The following KIF20B variants were observed in gnomAD, a reference collection of about 807,000 sequenced individuals.
KIF20B encodes kinesin-like protein KIF20B.
A neutral mutation model predicts 232.5 loss-of-function variants in KIF20B; 188 were observed. The observed-to-expected ratio is 0.81, with a 90% CI of 0.72 to 0.91. KIF20B has a LOEUF of 0.91. Ranked by LOEUF, KIF20B falls within the 40% of genes least tolerant of loss-of-function variation. The pLI, the probability that KIF20B is intolerant of heterozygous loss-of-function variation, is 0.00. For missense variants in KIF20B, 2,154 were observed against 2,055.9 expected, an observed-to-expected ratio of 1.05 and a Z score of -0.92; for synonymous variants, 712 against 683.0, an observed-to-expected ratio of 1.04 and a Z score of -0.66.
rs190585163 is a variant in KIF20B, at chr10:89,746,436, C to T, written c.4096+477C>T. On this transcript the variant is annotated intron_variant, in intron 23 of 32. Coordinates refer to ENST00000371728, the MANE Select transcript of KIF20B (RefSeq NM_001284259.2). The stretch of plus-strand genomic sequence containing the variant: ...GCGGCCGGACTCTCCTCTGACTGCC[C>T]GCAACCAAATTCCGTGTCATCTCAC... Among the ~76,000 whole-genome samples the T allele has an allele frequency of 4.5e-3, 691 of 152,286 alleles. 3 individuals are homozygous for T. Among genetic ancestry groups the T allele is most frequent in the Non-Finnish European group, 7.7e-3 (525 of 68,030 alleles).
At chr10:89,759,326 T>C (rs1432759063) in intron 27 of KIF20B, among the ~76,000 whole-genome samples, 1 of 152,032 alleles carries the variant, frequency 6.6e-6, no homozygotes, top group African/African-American at 2.4e-5. Context: ...ACATTATGAG[T>C]CATTCAGCTG....
At chr10:89,731,994 T>G (rs1264015577) in intron 18 of KIF20B, among the ~76,000 whole-genome samples, 2 of 152,210 alleles carry the variant, frequency 1.3e-5, no homozygotes, top group Non-Finnish European at 2.9e-5. Context: ...TCAAATTGAT[T>G]GCTACAAGTT....
rs757932251 is a variant in KIF20B, at chr10:89,719,542, A to G, written c.1558A>G (p.Ile520Val). ...AATATTAAATGTAAAAAGAGCCACC[A>G]TTTCATGGGAAAATAGTCTAGAAGA... ...SKILNVKRATISWENSLEDLM... is the reference protein window; with the variant it reads ...SKILNVKRATVSWENSLEDLM... The change falls in exon 13 of 33, where the codon ATT becomes GTT. Residue 520 changes from isoleucine (I) to valine (V), a missense_variant. Coordinates refer to ENST00000371728, the MANE Select transcript of KIF20B (RefSeq NM_001284259.2). 1.9e-6 allele frequency: 3 copies of G among 1,613,238 alleles called. No homozygotes were observed. The highest frequency in any genetic ancestry group is 1.1e-5 in the South Asian group (1 of 91,028).
intron 30 of KIF20B, 149 bp downstream of exon 30, chr10:89,768,540 T>TTTAC: frequency 1.4e-6 from 1 of 722,720 alleles, no homozygotes; most frequent in African/African-American, 1.8e-5. Flanking sequence ...ACTTTATGTG[T>TTTAC]TTACTTCTGA....
In KIF20B at chr10:89,743,908, G is replaced by T. The variant is rs777798374; in HGVS notation, c.4016G>T (p.Arg1339Leu). The T allele has an allele frequency of 3.8e-6, 6 of 1,584,926 alleles. No individual in the cohort carries two copies. Among genetic ancestry groups the T allele is most frequent in the Non-Finnish European group, 5.1e-6 (6 of 1,170,234 alleles). ...TCTCAGGAATTAGATATGAAACAGC[G>T]AACCATTCAGCAACTCAAGGTAAAC... Reference protein sequence around the residue: ...QCSQELDMKQRTIQQLKEQLN... With the variant: ...QCSQELDMKQLTIQQLKEQLN... Residue 1339 changes from arginine to leucine, a missense_variant, in exon 22 of 33, where the codon CGA becomes CTA. By Grantham distance (102) the Arg-to-Leu change is moderately radical (BLOSUM62 -2). Transcript: ENST00000371728.
chr10:89,726,156 C>T lies in KIF20B; in HGVS notation c.2002-137C>T, dbSNP rs1276061483. 7 of 1,165,362 alleles carry T rather than the reference C, an allele frequency of 6.0e-6. No individual in the cohort carries two copies. In the Admixed American group the frequency reaches 1.4e-4, roughly 24 times the overall value. The allele number at this position is 1,165,362 out of a possible 1,614,324, so 72.2% of individuals were successfully genotyped here. A position where few individuals can be genotyped will look rare whatever the true frequency, so the allele number is the denominator to read the frequency against. ...CACAGGTTTTTCATAATTGGAGTTG[C>T]TTCTATATAATTTATTTTAAAGAAT... On this transcript the variant is annotated intron_variant, in intron 15 of 32. Coordinates refer to ENST00000371728, the MANE Select transcript of KIF20B (RefSeq NM_001284259.2).
intron 14 of KIF20B, among the ~76,000 whole-genome samples, chr10:89,724,547 A>G (rs981200244): frequency 6.6e-6 from 1 of 152,150 alleles, no homozygotes; most frequent in Admixed American, 6.5e-5. Context: ...AAAAAAAAGA[A>G]TATAGCTGTA....
intron 22 of KIF20B, among the ~76,000 whole-genome samples, chr10:89,745,459 G>C (rs969691035): frequency 4.3e-4 from 66 of 152,276 alleles, no homozygotes; most frequent in Middle Eastern, 3.4e-3. Flanking sequence ...GGAGGTGGAG[G>C]TTGCAGTGAG....
chr10:89,743,060 T>C (rs1226714170), intron 21 of KIF20B, among the ~76,000 whole-genome samples: 1 of 152,082 alleles, frequency 6.6e-6, no homozygotes, highest in Non-Finnish European at 1.5e-5. Flanking sequence ...TTGAGCTCTC[T>C]AGCGAGTGTG....
At chr10:89,762,136 A>T (rs960906334) in intron 28 of KIF20B, among the ~76,000 whole-genome samples, 6 of 152,156 alleles carry the variant, frequency 3.9e-5, no homozygotes, top group Non-Finnish European at 5.9e-5. Context: ...AGAGGACAGG[A>T]CAGAAGTTGT....
chr10:89,727,733 A>C, intron 16 of KIF20B, 123 bp from the exon 17 acceptor site: 1 of 877,868 alleles, frequency 1.1e-6, no homozygotes. Flanking sequence ...TAGTGCTATC[A>C]AAATCCTTTT....
intron 31 of KIF20B, among the ~76,000 whole-genome samples, chr10:89,771,743 A>G (rs996834833): frequency 6.6e-6 from 1 of 152,026 alleles, no homozygotes; most frequent in Non-Finnish European, 1.5e-5. Context: ...CCTGAGGTCT[A>G]TAAAACTGCG....
chr10:89,756,890 T>G (rs906359779), intron 26 of KIF20B, among the ~76,000 whole-genome samples: 2 of 152,122 alleles, frequency 1.3e-5, no homozygotes, highest in African/African-American at 4.8e-5. Flanking sequence ...TTTAAGTGTA[T>G]GAATAAACCA....
chr10:89,708,463 G>A (rs1329442667), intron 2 of KIF20B, among the ~76,000 whole-genome samples: 2 of 152,070 alleles, frequency 1.3e-5, no homozygotes, highest in Non-Finnish European at 2.9e-5. Flanking sequence ...CACCCGCCTC[G>A]GCCTCCCAAA....
intron 24 of KIF20B, 38 bp downstream of exon 24, chr10:89,751,509 T>A: frequency 6.4e-7 from 1 of 1,560,110 alleles, no homozygotes; most frequent in Non-Finnish European, 8.6e-7. Flanking sequence ...AAATATACTT[T>A]TTCATTTAAA....
At chr10:89,730,376 T>G (rs1422174135) in intron 18 of KIF20B, among the ~76,000 whole-genome samples, 1 of 152,134 alleles carries the variant, frequency 6.6e-6, no homozygotes. Flanking sequence ...TACAGATTAA[T>G]AAAATCTACT....
chr10:89,722,501 C>T (rs908072654), intron 13 of KIF20B, among the ~76,000 whole-genome samples: 17 of 152,106 alleles, frequency 1.1e-4, no homozygotes, highest in African/African-American at 4.1e-4. Context: ...AACCCTGTCT[C>T]TACTAAAAAT....
Position 89,724,013 on chromosome 10 carries a change from A to G in KIF20B, c.1772A>G (p.Lys591Arg). ...EDLKKKLINE[K>R]KEKLTLEFKI... is the part of the protein sequence containing the mutation. ...TTGAAAAAAAAACTGATAAATGAAA[A>G]AAAGGAAAAATTAACCTTGGAATTT... Residue 591 changes from lysine (K) to arginine (R), a missense_variant, in exon 14 of 33, where the codon AAA becomes AGA. Physicochemically the swap from Lys to Arg is conservative, Grantham distance 26 (BLOSUM62 2). Coordinates refer to ENST00000371728, the MANE Select transcript of KIF20B (RefSeq NM_001284259.2). The G allele has an allele frequency of 6.3e-7, 1 of 1,589,812 alleles. No individual in the cohort carries two copies. Among genetic ancestry groups the G allele is most frequent in the Non-Finnish European group, 8.5e-7 (1 of 1,171,572 alleles).
In KIF20B at chr10:89,772,721, A is replaced by G. The variant is rs1327571015; in HGVS notation, c.5275A>G (p.Lys1759Glu). The change falls in exon 32 of 33, where the codon AAG (lysine) becomes GAG (glutamate). Residue 1759 changes from lysine to glutamate, a missense_variant. Physicochemically the swap from Lys to Glu is moderately conservative, Grantham distance 56. Coordinates refer to ENST00000371728, the MANE Select transcript of KIF20B (RefSeq NM_001284259.2). The stretch of plus-strand genomic sequence containing the variant: ...GATAATTGAAACAATGAGCTCTTCA[A>G]AGCTCTCAAATGTAGAAGCAAGTAA... The part of the protein sequence containing the change: ...KKIIETMSSS[K>E]LSNVEASKEN... The G allele has an allele frequency of 1.2e-6, 2 of 1,602,618 alleles. No individual in the cohort carries two copies. The highest frequency in any genetic ancestry group is 1.7e-5 in the Admixed American group (1 of 59,330).
Sources: gnomAD v4.1 joint callset for allele counts (sites outside exome capture counted in the v4.1 genomes callset) on GRCh38, gnomAD v4.1.1 for gene constraint, MANE v1.5 for transcripts, NCBI Gene and HGNC (gene_info 2026-07-23, HGNC 2026-07-21) for gene names.